Variants in ADAMDEC1 observed in about 807,000 individuals in gnomAD.
ADAMDEC1 encodes ADAM like decysin 1, also known as ADAM DEC1.
ADAMDEC1 carries 62 observed loss-of-function variants against 60.4 expected under a neutral mutation model. The ratio of observed to expected loss-of-function variants is 1.03; its 90% CI spans 0.84 to 1.27. The LOEUF (loss-of-function observed/expected upper bound fraction) is 1.27, where lower values mean the gene tolerates loss of function less well. Ranked by LOEUF, ADAMDEC1 falls within the 50% of genes most tolerant of loss-of-function variation. The pLI is 0.00. For synonymous variants in ADAMDEC1, 210 were observed against 195.1 expected (o/e 1.08, Z -0.64); for missense variants, 595 against 565.0 (o/e 1.05, Z -0.54).
At chr8:24,397,209 T>G in intron 5 of ADAMDEC1, 61 bp from the exon 6 acceptor site, 1 of 1,508,472 alleles carries the variant, frequency 6.6e-7, no homozygotes, top group Non-Finnish European at 9.0e-7. Flanking sequence ...AATCCATTCT[T>G]GGAAGCAAAT....
In ADAMDEC1 at chr8:24,399,167, G is replaced by C. The variant is rs989204012; in HGVS notation, c.929+127G>C. On this transcript the variant is annotated intron_variant, in intron 9 of 13. Transcript: ENST00000256412. ...CAGAGTGCTTGACATTTTACCACTA[G>C]CAATTCACCTGTGACATTATTGGAT... 3 of 1,118,982 alleles carry C rather than the reference G, an allele frequency of 2.7e-6. No individual in the cohort carries two copies. In the African/African-American group the frequency reaches 4.7e-5, roughly 18 times the overall value. 69.3% of individuals were successfully genotyped at this position (1,118,982 alleles called of 1,614,324 possible). A position where few individuals can be genotyped will look rare whatever the true frequency, so the allele number is the denominator to read the frequency against.
chr8:24,389,520 T>C (rs1817383285), intron 1 of ADAMDEC1, among the ~76,000 whole-genome samples: 1 of 152,198 alleles, frequency 6.6e-6, no homozygotes. Flanking sequence ...CTTGCCTCTC[T>C]GCAGGATACT....
chr8:24,384,612 C>A lies in ADAMDEC1; in HGVS notation c.88+20C>A, dbSNP rs1306800930. The stretch of plus-strand genomic sequence containing the variant: ...CTCAAGGTACGTACCATCACACCAG[C>A]ATTTTACATAAAAGTCAAATTATTT... On this transcript the variant is annotated intron_variant, in intron 1 of 13. Transcript: ENST00000256412. 2 of 1,581,828 alleles carry A rather than the reference C, an allele frequency of 1.3e-6. No individual in the cohort carries two copies. Among genetic ancestry groups the A allele is most frequent in the African/African-American group, 2.7e-5 (2 of 73,230 alleles).
chr8:24,405,818 T>C lies in ADAMDEC1; in HGVS notation c.*520T>C, dbSNP rs1458424230. ...CCTTGCTCTTGAAAGTGCAGTATTT[T>C]TCTACATCATGTCAAGAATGATTCA... is the stretch of plus-strand genomic sequence containing the variant. On this transcript the variant is annotated 3_prime_UTR_variant, in exon 14 of 14. Coordinates refer to ENST00000256412, the MANE Select transcript of ADAMDEC1 (RefSeq NM_014479.3). 6.5e-6 allele frequency: 1 copy of C among 152,742 alleles called. No individual in the cohort carries two copies. The highest frequency in any genetic ancestry group is 1.9e-4 in the East Asian group (1 of 5,210). 9.5% of individuals were successfully genotyped at this position (152,742 alleles called of 1,614,324 possible).
intron 12 of ADAMDEC1, 107 bp from the exon 13 acceptor site, chr8:24,403,896 C>T (rs577222695): frequency 1.2e-6 from 1 of 815,462 alleles, no homozygotes; most frequent in Non-Finnish European, 1.9e-6. Flanking sequence ...GAGTAATTTA[C>T]CTTAAAAAGT....
chr8:24,388,519 AAC>A (rs1244327405), intron 1 of ADAMDEC1, among the ~76,000 whole-genome samples: 1 of 152,040 alleles, frequency 6.6e-6, no homozygotes, highest in Non-Finnish European at 1.5e-5. Context: ...CATGGCATGA[AAC>A]ACACCATTTC....
intron 4 of ADAMDEC1, among the ~76,000 whole-genome samples, 169 bp from the exon 5 acceptor site, chr8:24,395,551 G>C (rs1258376881): frequency 1.3e-5 from 2 of 152,196 alleles, no homozygotes; most frequent in African/African-American, 4.8e-5. Context: ...TTGTGTTTCT[G>C]AGGATTGGTC....
intron 12 of ADAMDEC1, among the ~76,000 whole-genome samples, chr8:24,402,851 T>G (rs1416298512): frequency 6.6e-6 from 1 of 152,148 alleles, no homozygotes; most frequent in Non-Finnish European, 1.5e-5. Context: ...ACTTAGTCAT[T>G]TGTGAAGAAT....
rs141165484 is a variant in ADAMDEC1, at chr8:24,398,692, G to A, written c.762+141G>A. On this transcript the variant is annotated intron_variant, in intron 8 of 13. Coordinates refer to ENST00000256412, the MANE Select transcript of ADAMDEC1 (RefSeq NM_014479.3). ...GTTCAGGGAAATTTTAGCAGAACAA[G>A]CATCAACATCAAGGTGAAATCACAT... is the stretch of plus-strand genomic sequence containing the variant. The A allele has an allele frequency of 6.6e-4, 603 of 910,498 alleles. 3 individuals are homozygous for A. The African/African-American group carries it at 9.3e-3, about 14-fold the overall frequency. The allele number at this position is 910,498 out of a possible 1,614,324, so 56.4% of individuals were successfully genotyped here.
intron 1 of ADAMDEC1, among the ~76,000 whole-genome samples, chr8:24,388,772 G>C (rs147729179): frequency 6.6e-6 from 1 of 152,284 alleles, no homozygotes; most frequent in East Asian, 1.9e-4. Flanking sequence ...CTTAGATGCT[G>C]TTTCATGGTG....
chr8:24,386,093 T>G (rs1170625128), intron 1 of ADAMDEC1, among the ~76,000 whole-genome samples: 2 of 152,164 alleles, frequency 1.3e-5, no homozygotes, highest in Non-Finnish European at 2.9e-5. Flanking sequence ...ACTTCTGAAT[T>G]TGATGATAGT....
chr8:24,402,861 T>C (rs1817799198), intron 12 of ADAMDEC1, among the ~76,000 whole-genome samples: 1 of 152,190 alleles, frequency 6.6e-6, no homozygotes, highest in African/African-American at 2.4e-5. Flanking sequence ...TTGTGAAGAA[T>C]ATTGTAAACT....
intron 12 of ADAMDEC1, among the ~76,000 whole-genome samples, chr8:24,403,362 T>G (rs1024176232): frequency 7.0e-6 from 1 of 142,416 alleles, no homozygotes; most frequent in South Asian, 2.2e-4. Flanking sequence ...ATAGTTAGGG[T>G]TTTTTTTTTA....
At position 24,390,341 on chromosome 8, in the gene ADAMDEC1, T is replaced by C. The variant is rs1732613764; in HGVS notation, c.89-1921T>C. 2.1e-5 allele frequency: 7 copies of C among 341,408 alleles called. No homozygotes were observed. In the South Asian group the frequency reaches 2.9e-4, roughly 14 times the overall value. The allele number at this position is 341,408 out of a possible 1,614,324, so 21.1% of individuals were successfully genotyped here. A position where few individuals can be genotyped will look rare whatever the true frequency, so the allele number is the denominator to read the frequency against. ...AAATAAGAGTATAATATTGACCCAA[T>C]GTCTCCATTTTTAAAATACATTTTT... is the stretch of plus-strand genomic sequence containing the variant. On this transcript the variant is annotated intron_variant, in intron 1 of 13. Transcript: ENST00000256412.
Position 24,384,605 on chromosome 8 carries a change from A to C in ADAMDEC1, c.88+13A>C. On this transcript the variant is annotated intron_variant, in intron 1 of 13. Transcript: ENST00000256412. ...GTTCAAACTCAAGGTACGTACCATC[A>C]CACCAGCATTTTACATAAAAGTCAA... 6.3e-6 allele frequency: 10 copies of C among 1,590,548 alleles called. No individual in the cohort carries two copies. The highest frequency in any genetic ancestry group is 8.5e-6 in the Non-Finnish European group (10 of 1,171,314).
chr8:24,387,883 T>C (rs1328764765), intron 1 of ADAMDEC1: 1 of 152,572 alleles, frequency 6.6e-6, no homozygotes. Context: ...CAGACACAGG[T>C]ATGCACTGTA....
At position 24,405,888 on chromosome 8, in the gene ADAMDEC1, C is replaced by G. The variant is rs1173392385; in HGVS notation, c.*590C>G. 1 of 152,172 alleles carries G rather than the reference C, an allele frequency of 6.6e-6. No individual in the cohort carries two copies. Among genetic ancestry groups the G allele is most frequent in the African/African-American group, 2.4e-5 (1 of 41,448 alleles). The allele number at this position is 152,172 out of a possible 1,614,324, so 9.4% of individuals were successfully genotyped here. A position where few individuals can be genotyped will look rare whatever the true frequency, so the allele number is the denominator to read the frequency against. Reference sequence around the variant, plus strand: ...TATCATGTATATCCTATACACACATCTCCTTCATCATCATATATGAAGTTT... The same window carrying G: ...TATCATGTATATCCTATACACACATGTCCTTCATCATCATATATGAAGTTT... On this transcript the variant is annotated 3_prime_UTR_variant, in exon 14 of 14. Coordinates refer to ENST00000256412, the MANE Select transcript of ADAMDEC1 (RefSeq NM_014479.3).
intron 6 of ADAMDEC1, 53 bp downstream of exon 6, chr8:24,397,509 A>G: frequency 6.3e-7 from 1 of 1,588,430 alleles, no homozygotes; most frequent in Non-Finnish European, 8.6e-7. Flanking sequence ...CAGCAAAGAT[A>G]GGCAATATAC....
chr8:24,399,311 G>A (rs1817699726), intron 9 of ADAMDEC1, 82 bp from the exon 10 acceptor site: 1 of 1,395,170 alleles, frequency 7.2e-7, no homozygotes, highest in African/African-American at 1.4e-5. Flanking sequence ...GGGCAGCGAG[G>A]CAATTCGTTA....
Sources: allele counts gnomAD v4.1 joint callset (sites outside exome capture counted in the v4.1 genomes callset), GRCh38; gene constraint gnomAD v4.1.1; transcripts MANE v1.5; gene names NCBI Gene and HGNC (gene_info 2026-07-23, HGNC 2026-07-21).